EPG5: variants seen among roughly 807,000 people sequenced by gnomAD.
EPG5 encodes the protein ectopic P-granules 5 autophagy tethering factor, also known as ectopic P granules protein 5 homolog.
Under a neutral mutation model 302.7 loss-of-function variants are expected in EPG5, and 159 were observed. The observed-to-expected ratio is 0.53, with a 90% CI of 0.46 to 0.60. The LOEUF is 0.60. Ranked by LOEUF, EPG5 falls within the 20% of genes least tolerant of loss-of-function variation. The pLI is 0.00. For missense variants in EPG5, 2,896 were observed against 3,092.4 expected (o/e 0.94, Z 1.51); for synonymous variants, 1,158 against 1,136.8 (o/e 1.02, Z -0.37).
chr18:45,949,948 A>G (rs1328843526), intron 4 of EPG5, among the ~76,000 whole-genome samples: 3 of 152,202 alleles, frequency 2.0e-5, no homozygotes, highest in Admixed American at 2.0e-4. Context: ...CCTTCATTTA[A>G]GAACTCTAGT....
rs200151675 is a variant in EPG5 at position 45,954,719 on chromosome 18, G to T, written c.683C>A (p.Pro228Gln). The T allele has an allele frequency of 7.1e-5, 115 of 1,613,988 alleles. No homozygotes were observed. The African/African-American group carries it at 1.4e-3, about 20-fold the overall frequency. ...QLPAEIAGEA[P>Q]ALVAVKPLLR... is the part of the protein sequence containing the mutation. ...CAAGGGTTTCACTGCCACCAAAGCTGGTGCTTCTCCAGCAATTTCAGCTGG... is the reference window on the plus strand; with the variant it reads ...CAAGGGTTTCACTGCCACCAAAGCTTGTGCTTCTCCAGCAATTTCAGCTGG... Residue 228 changes from proline (P) to glutamine (Q), a missense_variant, in exon 2 of 44, where the codon CCA becomes CAA. Physicochemically the swap from Pro to Gln is moderately conservative, Grantham distance 76. Transcript: ENST00000282041.
At chr18:45,840,364 G>A in the EPG5 span, 1 of 1,129,908 alleles carries the variant, frequency 8.9e-7, no homozygotes, top group Non-Finnish European at 1.2e-6. Context: ...ACTTTGACCA[G>A]GGGCTGGGCC....
chr18:45,934,730 T>C, intron 11 of EPG5, 79 bp downstream of exon 11: 1 of 1,483,894 alleles, frequency 6.7e-7, no homozygotes, highest in Non-Finnish European at 9.0e-7. Flanking sequence ...TTAGTCCTTC[T>C]AAAAGTAAAA....
chr18:45,800,590 A>T, the EPG5 span, among the ~76,000 whole-genome samples: 3 of 152,300 alleles, frequency 2.0e-5, no homozygotes, highest in South Asian at 6.2e-4. Flanking sequence ...ATTAAAACAA[A>T]AGCTGGTTTT....
intron 23 of EPG5, among the ~76,000 whole-genome samples, chr18:45,908,826 G>A (rs1342226875): frequency 6.6e-6 from 1 of 152,004 alleles, no homozygotes; most frequent in African/African-American, 2.4e-5. Context: ...GTGCACACCT[G>A]TAATCCCAGC....
At chr18:45,810,925 C>A in the EPG5 span, among the ~76,000 whole-genome samples, 9 of 152,270 alleles carry the variant, frequency 5.9e-5, no homozygotes, top group African/African-American at 1.9e-4. Flanking sequence ...ACATAATCAT[C>A]TCAATAGATG....
chr18:45,848,629 C>T lies in EPG5; in HGVS notation c.*3838G>A, dbSNP rs2048386176. On this transcript the variant is annotated 3_prime_UTR_variant, in exon 44 of 44. Transcript: ENST00000282041. ...CACTCTCTTGGCACCTGCAAGCAAG[C>T]ACCAACTTAAATGTATGCCCCAGGT... 1 of 152,294 alleles carries T rather than the reference C, an allele frequency of 6.6e-6. No homozygotes were observed. The allele number at this position is 152,294 out of a possible 1,614,324, so 9.4% of individuals were successfully genotyped here.
At chr18:45,870,261 A>G (rs561697619) in intron 36 of EPG5, among the ~76,000 whole-genome samples, 1 of 152,336 alleles carries the variant, frequency 6.6e-6, no homozygotes, top group Non-Finnish European at 1.5e-5. Context: ...CACATCAATA[A>G]CAACCAAGAT....
At chr18:45,845,508 G>A (rs2048356122), downstream of EPG5, among the ~76,000 whole-genome samples, 1 of 152,204 alleles carries the variant, frequency 6.6e-6, no homozygotes, top group African/African-American at 2.4e-5. Flanking sequence ...CCCTGTAAGA[G>A]GTCTGGGTGG....
Position 45,912,350 on chromosome 18 carries a change from A to G in EPG5, c.3923T>C (p.Leu1308Pro). 6.2e-7 allele frequency: 1 copy of G among 1,611,426 alleles called. No homozygotes were observed. Among genetic ancestry groups the G allele is most frequent in the East Asian group, 2.2e-5 (1 of 44,808 alleles). The part of the protein sequence containing the change: ...ALVTPSDHPL[L>P]PLIWQKFFLL... ...GAAGAACTTCTGCCAAATGAGTGGC[A>G]GGAGGGGGTGATCAGAAGGTGTGAC... Residue 1308 changes from leucine (L) to proline (P), a missense_variant, in exon 22 of 44, where the codon CTG (leucine) becomes CCG (proline). By Grantham distance (98) the Leu-to-Pro change is moderately conservative. Coordinates refer to ENST00000282041, the MANE Select transcript of EPG5 (RefSeq NM_020964.3).
chr18:45,879,942 C>T (rs1024007581), intron 32 of EPG5, 133 bp downstream of exon 32: 4 of 1,002,824 alleles, frequency 4.0e-6, no homozygotes, highest in Middle Eastern at 2.3e-4. Context: ...CACGAGGGAA[C>T]CAAAGCACTT....
At chr18:45,813,378 G>A in the EPG5 span, among the ~76,000 whole-genome samples, 4 of 152,288 alleles carry the variant, frequency 2.6e-5, no homozygotes, top group Non-Finnish European at 5.9e-5. Flanking sequence ...AGGATCTAGA[G>A]CTAGAAACAC....
intron 27 of EPG5, among the ~76,000 whole-genome samples, chr18:45,896,967 A>G (rs2049493649): frequency 6.6e-6 from 1 of 152,226 alleles, no homozygotes; most frequent in Admixed American, 6.5e-5. Flanking sequence ...TCCAATCAAA[A>G]TTACCTAGAA....
At chr18:45,963,944 A>G (rs1200077809) in intron 1 of EPG5, among the ~76,000 whole-genome samples, 1 of 152,234 alleles carries the variant, frequency 6.6e-6, no homozygotes, top group East Asian at 1.9e-4. Flanking sequence ...AATCAAAAGA[A>G]TATTTAGAAA....
intron 1 of EPG5, among the ~76,000 whole-genome samples, chr18:45,964,394 C>T (rs1407177787): frequency 1.3e-5 from 2 of 152,136 alleles, no homozygotes; most frequent in Non-Finnish European, 2.9e-5. Flanking sequence ...TCCCCGGAGG[C>T]TTTAGTTTCA....
the EPG5 span, among the ~76,000 whole-genome samples, chr18:45,802,473 C>T: frequency 6.6e-5 from 10 of 152,010 alleles, no homozygotes; most frequent in African/African-American, 2.4e-4. Flanking sequence ...TGAGCTGAGA[C>T]CACACCACTG....
chr18:45,815,192 G>A, the EPG5 span, among the ~76,000 whole-genome samples: 3 of 152,076 alleles, frequency 2.0e-5, no homozygotes, highest in Non-Finnish European at 2.9e-5. Context: ...GCATATTTAC[G>A]GGACTAAATG....
At chr18:45,820,113 G>C in the EPG5 span, among the ~76,000 whole-genome samples, 26 of 152,104 alleles carry the variant, frequency 1.7e-4, no homozygotes, top group Non-Finnish European at 3.4e-4. Context: ...TGATGGATAG[G>C]GTAGAGGGAA....
At chr18:45,869,319 T>C (rs1425619886) in intron 36 of EPG5, among the ~76,000 whole-genome samples, 1 of 152,220 alleles carries the variant, frequency 6.6e-6, no homozygotes. Context: ...TTTTAGAAAA[T>C]GATTCTTCAT....
Sources: allele counts gnomAD v4.1 joint callset (sites outside exome capture counted in the v4.1 genomes callset), GRCh38; gene constraint gnomAD v4.1.1; transcripts MANE v1.5; gene names NCBI Gene and HGNC (gene_info 2026-07-23, HGNC 2026-07-21).